Variants in NTRK3 observed in about 807,000 individuals in gnomAD.
NTRK3 encodes the protein NT-3 growth factor receptor.
In NTRK3, 24 loss-of-function variants were observed where a neutral mutation model predicts 91.7. That is an observed-to-expected ratio of 0.26 (90% CI 0.19 to 0.37). The LOEUF is 0.37. Among genes scored for constraint, NTRK3 ranks in the 10% least tolerant of loss-of-function variants. NTRK3 has a pLI of 1.00. For missense variants in NTRK3, 880 were observed against 1,068.9 expected (o/e 0.82, Z 2.46); for synonymous variants, 483 against 404.0 (o/e 1.20, Z -2.34).
In NTRK3 at chr15:87,929,180, A is replaced by G. The variant is rs751036351; in HGVS notation, c.2133+11T>C. ...TGTGGCTGAGTCCTGCAGCTGGGAA[A>G]GTCACTTTACCCTGTAATAATCCGT... On this transcript the variant is annotated intron_variant, in intron 17 of 18. Transcript: ENST00000394480. 6.2e-7 allele frequency: 1 copy of G among 1,614,206 alleles called. No individual in the cohort carries two copies. The highest frequency in any genetic ancestry group is 8.5e-7 in the Non-Finnish European group (1 of 1,180,046).
chr15:87,863,469 C>T (rs1433891437), exon 19 of NTRK3: 2 of 221,040 alleles, frequency 9.0e-6, no homozygotes, highest in East Asian at 6.6e-5. Context: ...AAACTAAATA[C>T]TCTTTCAGCA....
chr15:87,891,699 G>A (rs2065864910), intron 17 of NTRK3, among the ~76,000 whole-genome samples: 1 of 152,066 alleles, frequency 6.6e-6, no homozygotes, highest in African/African-American at 2.4e-5. Flanking sequence ...ATTCCACTGT[G>A]CTTAAAGATG....
At chr15:88,093,613 C>T (rs1484143545) in intron 13 of NTRK3, among the ~76,000 whole-genome samples, 1 of 152,214 alleles carries the variant, frequency 6.6e-6, no homozygotes, top group Non-Finnish European at 1.5e-5. Flanking sequence ...GCATACCTGT[C>T]TCCAATGATG....
At chr15:88,232,019 A>G (rs2051233999) in intron 3 of NTRK3, among the ~76,000 whole-genome samples, 1 of 152,182 alleles carries the variant, frequency 6.6e-6, no homozygotes, top group Non-Finnish European at 1.5e-5. Flanking sequence ...GCCTCAGCCC[A>G]ACATTCAAGA....
intron 13 of NTRK3, among the ~76,000 whole-genome samples, chr15:88,091,003 TTGC>T (rs1338427917): frequency 1.1e-4 from 16 of 152,060 alleles, no homozygotes; most frequent in Middle Eastern, 3.4e-3. Context: ...CTTAGGAGAG[TTGC>T]TGATTTCTAA....
chr15:87,947,534 T>C (rs1193427847), intron 14 of NTRK3, among the ~76,000 whole-genome samples: 1 of 151,986 alleles, frequency 6.6e-6, no homozygotes, highest in East Asian at 1.9e-4. Flanking sequence ...AGGATGACAT[T>C]TGAAGATAAA....
At chr15:88,162,327 G>A (rs948350895) in intron 5 of NTRK3, among the ~76,000 whole-genome samples, 5 of 152,240 alleles carry the variant, frequency 3.3e-5, no homozygotes, top group East Asian at 1.9e-4. Flanking sequence ...TAACACATAC[G>A]GATGCCCCAC....
intron 17 of NTRK3, among the ~76,000 whole-genome samples, chr15:87,888,767 G>T (rs1437563171): frequency 3.3e-5 from 5 of 151,332 alleles, no homozygotes; most frequent in African/African-American, 1.2e-4. Context: ...CTAAAAATAT[G>T]TTGGCTTTTT....
chr15:87,926,203 G>A (rs1378753623), intron 17 of NTRK3, among the ~76,000 whole-genome samples: 3 of 152,102 alleles, frequency 2.0e-5, no homozygotes, highest in African/African-American at 7.2e-5. Context: ...AGACTTCAGG[G>A]TTCATTTTGA....
At chr15:87,921,041 G>T (rs2067828170) in intron 17 of NTRK3, among the ~76,000 whole-genome samples, 1 of 152,136 alleles carries the variant, frequency 6.6e-6, no homozygotes, top group African/African-American at 2.4e-5. Context: ...CCAACAGGAG[G>T]AAAAACTGAG....
At chr15:87,876,386 A>T in exon 19 of NTRK3, 1 of 229,306 alleles carries the variant, frequency 4.4e-6, no homozygotes, top group Non-Finnish European at 8.6e-6. Context: ...TTTGCTGAGC[A>T]CAGCCATGCA....
At chr15:88,215,986 C>T (rs1023758008) in intron 3 of NTRK3, among the ~76,000 whole-genome samples, 27 of 152,194 alleles carry the variant, frequency 1.8e-4, no homozygotes, top group African/African-American at 6.5e-4. Flanking sequence ...AAACTCTATC[C>T]TATGCTGTCC....
chr15:88,159,185 A>G (rs2044204996), intron 5 of NTRK3, among the ~76,000 whole-genome samples: 2 of 152,216 alleles, frequency 1.3e-5, no homozygotes, highest in African/African-American at 2.4e-5. Context: ...CCCCTTTCTA[A>G]GAGCTACTAT....
rs1314727008 is a variant in NTRK3 at position 88,184,311 on chromosome 15, G to A, written c.249-12C>T. On this transcript the variant is annotated splice_polypyrimidine_tract_variant and intron_variant, in intron 3 of 18. Coordinates refer to ENST00000394480, the Ensembl canonical transcript of NTRK3. ...AGTTCTCTATGTGTCTGCAGGGGAG[G>A]AGGAAAGGTAACGGTCAGCCAGAAG... is the stretch of plus-strand genomic sequence containing the variant. The A allele has an allele frequency of 1.9e-6, 3 of 1,613,694 alleles. No individual in the cohort carries two copies. Among genetic ancestry groups the A allele is most frequent in the Admixed American group, 1.7e-5 (1 of 59,980 alleles).
chr15:87,943,775 A>C (rs1024529605), intron 14 of NTRK3, among the ~76,000 whole-genome samples: 1 of 152,038 alleles, frequency 6.6e-6, no homozygotes, highest in East Asian at 1.9e-4. Context: ...GCCCTCCCTC[A>C]ACATCCCAGA....
At chr15:88,251,615 G>T (rs1250475819) in intron 3 of NTRK3, among the ~76,000 whole-genome samples, 1 of 152,252 alleles carries the variant, frequency 6.6e-6, no homozygotes, top group East Asian at 1.9e-4. Flanking sequence ...ATTGGCAAGG[G>T]CCATACCAAA....
chr15:88,088,676 G>C (rs140248944), intron 13 of NTRK3, among the ~76,000 whole-genome samples: 2 of 152,138 alleles, frequency 1.3e-5, no homozygotes, highest in African/African-American at 2.4e-5. Context: ...AGCTGCAAGA[G>C]TGCAGAAGCT....
At chr15:88,177,624 G>A (rs1703562033) in intron 5 of NTRK3, among the ~76,000 whole-genome samples, 1 of 152,146 alleles carries the variant, frequency 6.6e-6, no homozygotes, top group Admixed American at 6.5e-5. Context: ...GGAAGGGCTT[G>A]GTATGAAATC....
At chr15:88,135,278 G>T (rs373935634) in exon 10 of NTRK3, 4 of 1,614,152 alleles carry the variant, frequency 2.5e-6, no homozygotes, top group Non-Finnish European at 1.7e-6. Flanking sequence ...TTGGACTCCC[G>T]CAGAGGCTGC....
Sources: allele counts gnomAD v4.1 joint callset (sites outside exome capture counted in the v4.1 genomes callset), GRCh38; gene constraint gnomAD v4.1.1; transcripts MANE v1.5; gene names NCBI Gene and HGNC (gene_info 2026-07-23, HGNC 2026-07-21).